The following CDH18 variants were observed in gnomAD, a reference collection of about 807,000 sequenced individuals.
The protein encoded by CDH18 is cadherin-18.
CDH18 carries 31 observed loss-of-function variants against 67.9 expected under a neutral mutation model. The observed-to-expected ratio is 0.46, with a 90% confidence interval of 0.34 to 0.62. The LOEUF is 0.62. Among genes scored for constraint, CDH18 ranks in the 20% least tolerant of loss-of-function variants. CDH18 has a pLI of 0.01. For missense variants in CDH18, 890 were observed against 975.5 expected (o/e 0.91, Z 1.17); for synonymous variants, 362 against 347.2 (o/e 1.04, Z -0.48).
chr5:20,052,113 T>A (rs11738206), intron 2 of CDH18, among the ~76,000 whole-genome samples: 54,595 of 152,068 alleles, frequency 0.36, 12,007 homozygotes, highest in Middle Eastern at 0.61. Flanking sequence ...CATGCCCAAA[T>A]CTCTGAGTGG....
At chr5:19,570,978 T>C (rs1741283281) in intron 8 of CDH18, among the ~76,000 whole-genome samples, 2 of 152,236 alleles carry the variant, frequency 1.3e-5, no homozygotes, top group Admixed American at 1.3e-4. Flanking sequence ...GTTCCCACGC[T>C]GATTTTCCTG....
At chr5:19,627,971 C>T (rs567641058) in intron 5 of CDH18, among the ~76,000 whole-genome samples, 1 of 152,182 alleles carries the variant, frequency 6.6e-6, no homozygotes, top group East Asian at 1.9e-4. Context: ...AGATGGGAAG[C>T]CATTGGCAAG....
At chr5:20,115,342 G>A (rs562382431) in intron 2 of CDH18, among the ~76,000 whole-genome samples, 6 of 133,246 alleles carry the variant, frequency 4.5e-5, no homozygotes, top group Admixed American at 2.6e-4. Flanking sequence ...GTAGTGGCGC[G>A]ATCTCAGCTC....
intron 1 of CDH18, among the ~76,000 whole-genome samples, chr5:20,344,117 C>A (rs1237399430): frequency 6.6e-6 from 1 of 152,112 alleles, no homozygotes; most frequent in Non-Finnish European, 1.5e-5. Context: ...TGGAGGATGG[C>A]AAACTTCCTT....
rs1754321882 is a variant in CDH18 at position 20,501,596 on chromosome 5, A to ATATG, written c.-580+73865_-580+73866insCATA. 7.6e-5 allele frequency among the ~76,000 whole-genome samples: 4 copies of ATATG among 52,432 alleles called. No individual in the cohort carries two copies. The Admixed American group carries it at 9.9e-4, about 13-fold the overall frequency. The allele number at this position is 52,432 out of a possible 152,430, so 34.4% of individuals were successfully genotyped here. A position where few individuals can be genotyped will look rare whatever the true frequency, so the allele number is the denominator to read the frequency against. On this transcript the variant is annotated intron_variant, in intron 1 of 14. Transcript: ENST00000507958. ...TATATATATATTATATATATATATT[A>ATATG]TATATATATATATATATATGGAGAT... is the stretch of plus-strand genomic sequence containing the variant.
intron 4 of CDH18, among the ~76,000 whole-genome samples, chr5:19,731,962 C>A (rs1767655290): frequency 6.6e-6 from 1 of 150,462 alleles, no homozygotes; most frequent in Non-Finnish European, 1.5e-5. Flanking sequence ...TGGTAGTACA[C>A]ACCTGTAGTT....
At chr5:20,411,155 AC>A (rs1746737307) in intron 1 of CDH18, among the ~76,000 whole-genome samples, 1 of 152,026 alleles carries the variant, frequency 6.6e-6, no homozygotes, top group Admixed American at 6.6e-5. Flanking sequence ...AATCTTAAGA[AC>A]AAAAAACCCA....
At chr5:19,911,558 T>A (rs2150139388) in intron 2 of CDH18, among the ~76,000 whole-genome samples, 1 of 152,078 alleles carries the variant, frequency 6.6e-6, no homozygotes, top group African/African-American at 2.4e-5. Context: ...GATGTTCCCA[T>A]GATGATAATA....
chr5:20,334,638 A>C (rs73056772), intron 1 of CDH18, among the ~76,000 whole-genome samples: 1 of 151,966 alleles, frequency 6.6e-6, no homozygotes, highest in African/African-American at 2.4e-5. Flanking sequence ...AAAGAAGAAT[A>C]GTCCACATTA....
rs1415644227 is a variant in CDH18 at position 19,472,370 on chromosome 5, G to GA, written c.*855dup. On this transcript the variant is annotated 3_prime_UTR_variant, in exon 13 of 13. Coordinates refer to ENST00000382275, the MANE Select transcript of CDH18 (RefSeq NM_004934.5). ...ATATAATAAAACAAGTGGAAAAAAGGAAAAAAAAAGTTCCCCAACATTTGG... is the reference window on the plus strand; with the variant it reads ...ATATAATAAAACAAGTGGAAAAAAGGAAAAAAAAAAGTTCCCCAACATTTGG... Among the ~76,000 whole-genome samples the GA allele has an allele frequency of 4.0e-5, 6 of 150,830 alleles. No homozygotes were observed. The East Asian group carries it at 5.8e-4, about 15-fold the overall frequency.
chr5:19,806,579 C>T (rs1778051381), intron 3 of CDH18, among the ~76,000 whole-genome samples: 1 of 152,070 alleles, frequency 6.6e-6, no homozygotes, highest in African/African-American at 2.4e-5. Flanking sequence ...TTCAATATTC[C>T]TTCTTCGGTT....
intron 1 of CDH18, among the ~76,000 whole-genome samples, chr5:20,468,679 A>G (rs764446622): frequency 6.6e-6 from 1 of 152,236 alleles, no homozygotes; most frequent in Non-Finnish European, 1.5e-5. Context: ...CCATGATTTC[A>G]TAGAATACTG....
intron 10 of CDH18, among the ~76,000 whole-genome samples, chr5:19,509,414 A>C (rs950384173): frequency 6.6e-6 from 1 of 152,128 alleles, no homozygotes; most frequent in Non-Finnish European, 1.5e-5. Flanking sequence ...CATGTAAAAA[A>C]ATGCCCATGT....
At chr5:20,285,380 CATATAATATAATATA>C (rs55913504) in intron 1 of CDH18, among the ~76,000 whole-genome samples, 47,052 of 140,224 alleles carry the variant, frequency 0.34, 8,613 homozygotes, top group Non-Finnish European at 0.41. Context: ...GTAATATGGC[CATATAATATAATATA>C]ATATAATATA....
At chr5:20,107,951 T>C (rs547268409) in intron 2 of CDH18, among the ~76,000 whole-genome samples, 1 of 139,144 alleles carries the variant, frequency 7.2e-6, no homozygotes, top group African/African-American at 2.6e-5. Flanking sequence ...GAGGGCCTCC[T>C]TGATTCTGTT....
At chr5:20,177,732 T>C (rs535328457) in intron 2 of CDH18, among the ~76,000 whole-genome samples, 145 of 152,158 alleles carry the variant, frequency 9.5e-4, no homozygotes, top group Non-Finnish European at 1.5e-3. Flanking sequence ...CAGTGGGAGA[T>C]AATTGAATCA....
intron 2 of CDH18, among the ~76,000 whole-genome samples, chr5:20,137,864 C>G (rs1432376772): frequency 1.3e-5 from 2 of 152,090 alleles, no homozygotes; most frequent in Admixed American, 1.3e-4. Flanking sequence ...TATGGATTCA[C>G]AGCCGAATTC....
intron 2 of CDH18, among the ~76,000 whole-genome samples, chr5:19,872,260 C>T (rs1042441554): frequency 3.9e-5 from 6 of 152,092 alleles, no homozygotes; most frequent in Non-Finnish European, 8.8e-5. Flanking sequence ...GGAAGAAATA[C>T]CCTAAGATAA....
At chr5:20,525,735 A>G (rs893933685) in intron 1 of CDH18, among the ~76,000 whole-genome samples, 1 of 152,272 alleles carries the variant, frequency 6.6e-6, no homozygotes, top group East Asian at 1.9e-4. Context: ...TAAAATAATT[A>G]TATTTCATCC....
Sources: gnomAD v4.1 joint callset for allele counts (sites outside exome capture counted in the v4.1 genomes callset) on GRCh38, gnomAD v4.1.1 for gene constraint, MANE v1.5 for transcripts, NCBI Gene and HGNC (gene_info 2026-07-23, HGNC 2026-07-21) for gene names.